Variants in TMTC1 observed in about 807,000 individuals in gnomAD.
The protein encoded by TMTC1 is transmembrane O-mannosyltransferase targeting cadherins 1.
A neutral mutation model predicts 104.8 loss-of-function variants in TMTC1; 73 were observed. The observed-to-expected ratio is 0.70, with a 90% CI of 0.58 to 0.85. The LOEUF (loss-of-function observed/expected upper bound fraction) is 0.85. Ranked by LOEUF, TMTC1 falls within the 40% of genes least tolerant of loss-of-function variation. The pLI is 0.00. For missense variants in TMTC1, 1,035 were observed against 1,096.1 expected (o/e 0.94, Z 0.79); for synonymous variants, 434 against 428.7 (o/e 1.01, Z -0.15).
At chr12:29,735,722 T>C (rs1003227600) in intron 5 of TMTC1, among the ~76,000 whole-genome samples, 8 of 152,122 alleles carry the variant, frequency 5.3e-5, no homozygotes, top group African/African-American at 1.2e-4. Flanking sequence ...ACAATGTACA[T>C]TGGGTATTGC....
chr12:29,602,291 C>T (rs1008237716), intron 7 of TMTC1, among the ~76,000 whole-genome samples: 1 of 152,108 alleles, frequency 6.6e-6, no homozygotes, highest in Non-Finnish European at 1.5e-5. Context: ...ACAAGTGCAT[C>T]CCACAACATC....
chr12:29,716,737 C>T (rs748249131), intron 5 of TMTC1, among the ~76,000 whole-genome samples: 21 of 152,108 alleles, frequency 1.4e-4, no homozygotes, highest in Admixed American at 7.2e-4. Context: ...AAGAGCTGGC[C>T]GGGCACAGGG....
rs35200346 is a variant in TMTC1, at chr12:29,647,988, G to A, written c.939-14652C>T. Among the ~76,000 whole-genome samples the A allele has an allele frequency of 8.8e-3, 1,336 of 152,250 alleles. 8 individuals carry two copies. Among genetic ancestry groups the A allele is most frequent in the Admixed American group, 0.013 (193 of 15,294 alleles). On this transcript the variant is annotated intron_variant, in intron 5 of 17. Transcript: ENST00000539277. ...CTATGGTCGTGGAAATGACATTTAA[G>A]GCTCCAGTCCTATGCAGAAGCCATA...
chr12:29,665,050 C>T (rs2136659053), intron 5 of TMTC1, among the ~76,000 whole-genome samples: 1 of 152,244 alleles, frequency 6.6e-6, no homozygotes, highest in Non-Finnish European at 1.5e-5. Context: ...CAAATGGTCT[C>T]AGGGTCAGTT....
At position 29,590,480 on chromosome 12, in the gene TMTC1, C is replaced by T. The variant is rs553404094; in HGVS notation, c.1251-6906G>A. ...TTGTATCAGCCCACTCCCTGTCCCC[C>T]CTTTGCCTTTAAAAATCCACGTGTG... On this transcript the variant is annotated intron_variant, in intron 7 of 17. Transcript: ENST00000539277. Among the ~76,000 whole-genome samples the T allele has an allele frequency of 4.6e-5, 7 of 152,302 alleles. No homozygotes were observed. In the South Asian group the frequency reaches 1.2e-3, roughly 27 times the overall value.
At chr12:29,640,583 G>A (rs1443457670) in intron 5 of TMTC1, 1 of 152,230 alleles carries the variant, frequency 6.6e-6, no homozygotes, top group African/African-American at 2.4e-5. Context: ...AATTTGGAGA[G>A]CCAAGTGAAA....
intron 6 of TMTC1, among the ~76,000 whole-genome samples, chr12:29,614,374 A>C (rs1001215064): frequency 6.6e-6 from 1 of 152,164 alleles, no homozygotes; most frequent in Non-Finnish European, 1.5e-5. Context: ...CTGATGGATC[A>C]TTTTGTTTCC....
At chr12:29,614,569 G>A (rs1202090687) in intron 6 of TMTC1, among the ~76,000 whole-genome samples, 3 of 152,162 alleles carry the variant, frequency 2.0e-5, no homozygotes, top group South Asian at 2.1e-4. Context: ...GGTATCAAAT[G>A]CTTGTAATTT....
chr12:29,755,703 A>T lies in TMTC1; in HGVS notation c.731+6T>A. 1.2e-6 allele frequency: 2 copies of T among 1,611,658 alleles called. No individual in the cohort carries two copies. Among genetic ancestry groups the T allele is most frequent in the Non-Finnish European group, 1.7e-6 (2 of 1,178,588 alleles). ...CATTTGATATCAAAACTGTAAAATG[A>T]CTTACGACTTGTCTTGCTTGTTGGA... is the stretch of plus-strand genomic sequence containing the variant. On this transcript the variant is annotated splice_donor_region_variant and intron_variant, in intron 4 of 17. Transcript: ENST00000539277.
chr12:29,523,809 C>T (rs1026709483), intron 11 of TMTC1, among the ~76,000 whole-genome samples: 4 of 151,946 alleles, frequency 2.6e-5, no homozygotes, highest in Non-Finnish European at 5.9e-5. Flanking sequence ...TAGGACTTAC[C>T]TGTTTAGGAT....
At chr12:29,740,952 T>C (rs1368335880) in intron 5 of TMTC1, among the ~76,000 whole-genome samples, 1 of 152,222 alleles carries the variant, frequency 6.6e-6, no homozygotes, top group Non-Finnish European at 1.5e-5. Context: ...TGTATTTTTC[T>C]AAGAAATACT....
intron 11 of TMTC1, among the ~76,000 whole-genome samples, chr12:29,528,666 C>T (rs1944414378): frequency 6.6e-6 from 1 of 152,084 alleles, no homozygotes; most frequent in East Asian, 1.9e-4. Context: ...AGTTCAGGTT[C>T]CAATAACTCA....
intron 5 of TMTC1, among the ~76,000 whole-genome samples, chr12:29,668,604 G>T (rs2136671406): frequency 6.6e-6 from 1 of 152,080 alleles, no homozygotes; most frequent in East Asian, 1.9e-4. Context: ...GGGATTACAG[G>T]CACATGCCAC....
chr12:29,692,870 C>T (rs1941304216), intron 5 of TMTC1, among the ~76,000 whole-genome samples: 1 of 144,548 alleles, frequency 6.9e-6, no homozygotes, highest in Non-Finnish European at 1.5e-5. Context: ...AAACATCATA[C>T]TACATTAAAG....
At position 29,783,937 on chromosome 12, in the gene TMTC1, A is replaced by G; in HGVS notation, c.-186T>C. 1 of 379,350 alleles carries G rather than the reference A, an allele frequency of 2.6e-6. No individual in the cohort carries two copies. The highest frequency in any genetic ancestry group is 3.7e-6 in the Non-Finnish European group (1 of 267,246). The allele number at this position is 379,350 out of a possible 1,614,324, so 23.5% of individuals were successfully genotyped here. ...CGCCGCGGAGTTGGCCCAGCTGCAA[A>G]TAAACAGCAGTCCCCCCGCCTCCCC... On this transcript the variant is annotated 5_prime_UTR_variant, in exon 1 of 18. Coordinates refer to ENST00000539277, the MANE Select transcript of TMTC1 (RefSeq NM_001193451.2). The surrounding 1 kb of genome is among the most constrained non-coding windows in gnomAD (Gnocchi z 4.7).
At chr12:29,524,102 G>A (rs1180792741) in intron 11 of TMTC1, among the ~76,000 whole-genome samples, 1 of 151,932 alleles carries the variant, frequency 6.6e-6, no homozygotes, top group Non-Finnish European at 1.5e-5. Context: ...TTGAGTTTTT[G>A]TCATCTCAAT....
At chr12:29,732,644 T>C (rs187623396) in intron 5 of TMTC1, among the ~76,000 whole-genome samples, 13 of 152,278 alleles carry the variant, frequency 8.5e-5, no homozygotes, top group Admixed American at 2.6e-4. Context: ...ACATTTATCA[T>C]AGTGATTAGC....
chr12:29,662,409 T>C (rs1940071868), intron 5 of TMTC1, among the ~76,000 whole-genome samples: 1 of 152,086 alleles, frequency 6.6e-6, no homozygotes, highest in Non-Finnish European at 1.5e-5. Flanking sequence ...CCCAGCACTT[T>C]GGGAGGCGGA....
intron 5 of TMTC1, among the ~76,000 whole-genome samples, chr12:29,682,509 C>T (rs548856196): frequency 6.6e-6 from 1 of 152,204 alleles, no homozygotes; most frequent in Admixed American, 6.5e-5. Context: ...AAATGTACCA[C>T]AGTCTGTGAA....
Sources: allele counts gnomAD v4.1 joint callset (sites outside exome capture counted in the v4.1 genomes callset), GRCh38; gene constraint gnomAD v4.1.1; non-coding constraint Gnocchi (gnomAD v3.1); transcripts MANE v1.5; gene names NCBI Gene and HGNC (gene_info 2026-07-23, HGNC 2026-07-21).